ATP6V1H: variants seen among roughly 807,000 people sequenced by gnomAD.
ATP6V1H encodes the protein V-type proton ATPase subunit H.
A neutral mutation model predicts 71.7 loss-of-function variants in ATP6V1H; 39 were observed. The observed-to-expected ratio is 0.54, with a 90% CI of 0.42 to 0.71. The LOEUF (loss-of-function observed/expected upper bound fraction) is 0.71. Ranked by LOEUF, ATP6V1H falls within the 30% of genes least tolerant of loss-of-function variation. The probability of loss-of-function intolerance (pLI) is 0.00; values close to 1 mark genes in which losing one functional copy is unlikely to be tolerated. For missense variants in ATP6V1H, 509 were observed against 594.9 expected (o/e 0.86, Z 1.50); for synonymous variants, 192 against 199.3 (o/e 0.96, Z 0.31).
chr8:53,837,669 G>A (rs1191017292), intron 2 of ATP6V1H, among the ~76,000 whole-genome samples: 1 of 152,176 alleles, frequency 6.6e-6, no homozygotes, highest in Non-Finnish European at 1.5e-5. Flanking sequence ...GCGGGAGCTA[G>A]AGAGCTGTGA....
At chr8:53,782,200 A>G (rs1563464142) in intron 9 of ATP6V1H, among the ~76,000 whole-genome samples, 1 of 151,926 alleles carries the variant, frequency 6.6e-6, no homozygotes, top group Non-Finnish European at 1.5e-5. Context: ...ATTTGTTTGT[A>G]TCCTCTTTTA....
chr8:53,837,844 G>A (rs535927918), intron 2 of ATP6V1H, among the ~76,000 whole-genome samples: 13 of 152,270 alleles, frequency 8.5e-5, no homozygotes, highest in African/African-American at 1.2e-4. Flanking sequence ...GGCAGGAACC[G>A]CAGACACAGG....
At chr8:53,780,206 T>C (rs535477094) in intron 9 of ATP6V1H, among the ~76,000 whole-genome samples, 1 of 151,104 alleles carries the variant, frequency 6.6e-6, no homozygotes, top group African/African-American at 2.4e-5. Flanking sequence ...GCTTCAACTA[T>C]AACTTCAACA....
At chr8:53,788,817 A>G (rs1187902455) in intron 9 of ATP6V1H, among the ~76,000 whole-genome samples, 3 of 152,192 alleles carry the variant, frequency 2.0e-5, no homozygotes, top group Non-Finnish European at 4.4e-5. Context: ...AGATTTCCAT[A>G]AAGGTACATA....
chr8:53,843,023 G>A lies in ATP6V1H; in HGVS notation c.-36+11C>T, dbSNP rs1181618671. On this transcript the variant is annotated intron_variant, in intron 1 of 13. Coordinates refer to ENST00000359530, the MANE Select transcript of ATP6V1H (RefSeq NM_015941.4). ...GCAGCCTGAGACCAAACAACGCGAG[G>A]GCGGCCTTACCTCGCGAATCCTCGG... is the stretch of plus-strand genomic sequence containing the variant. 2 of 152,284 alleles carry A rather than the reference G, an allele frequency of 1.3e-5. No homozygotes were observed. Among genetic ancestry groups the A allele is most frequent in the Non-Finnish European group, 2.9e-5 (2 of 68,116 alleles). The allele number at this position is 152,284 out of a possible 1,614,324, so 9.4% of individuals were successfully genotyped here. A position where few individuals can be genotyped will look rare whatever the true frequency, so the allele number is the denominator to read the frequency against.
intron 9 of ATP6V1H, among the ~76,000 whole-genome samples, chr8:53,781,680 C>T (rs896285132): frequency 6.6e-6 from 1 of 151,974 alleles, no homozygotes; most frequent in Non-Finnish European, 1.5e-5. Context: ...TTAGGTCTAA[C>T]ATTTAAGTCT....
At chr8:53,718,181 A>G (rs1057052514) in intron 13 of ATP6V1H, among the ~76,000 whole-genome samples, 6 of 152,180 alleles carry the variant, frequency 3.9e-5, no homozygotes, top group African/African-American at 1.4e-4. Context: ...GCAGACAACA[A>G]GTGGTGAAGA....
chr8:53,769,311 A>G (rs1808570751), intron 11 of ATP6V1H, among the ~76,000 whole-genome samples: 1 of 152,120 alleles, frequency 6.6e-6, no homozygotes, highest in Non-Finnish European at 1.5e-5. Flanking sequence ...TTAAAAAGTA[A>G]AATGGCATGC....
At chr8:53,752,683 T>C (rs1210911859) in intron 12 of ATP6V1H, among the ~76,000 whole-genome samples, 1 of 152,204 alleles carries the variant, frequency 6.6e-6, no homozygotes, top group Non-Finnish European at 1.5e-5. Context: ...CCCAAGTAGC[T>C]GGGACTAGAG....
At chr8:53,820,410 C>T (rs1438133123) in intron 4 of ATP6V1H, among the ~76,000 whole-genome samples, 1 of 151,128 alleles carries the variant, frequency 6.6e-6, no homozygotes, top group Non-Finnish European at 1.5e-5. Flanking sequence ...AAAAAAAATC[C>T]AAGGGCATAC....
intron 12 of ATP6V1H, among the ~76,000 whole-genome samples, chr8:53,747,700 C>T (rs1187784816): frequency 6.6e-6 from 1 of 151,698 alleles, no homozygotes; most frequent in East Asian, 2.0e-4. Context: ...CCACCATGCC[C>T]GGCTAATTTT....
chr8:53,819,700 A>C (rs1215112639), intron 4 of ATP6V1H, among the ~76,000 whole-genome samples: 3 of 127,478 alleles, frequency 2.4e-5, no homozygotes, highest in Non-Finnish European at 1.6e-5. Context: ...GTATATATGT[A>C]TATACGTATA....
chr8:53,786,700 T>C (rs1444995402), intron 9 of ATP6V1H, among the ~76,000 whole-genome samples: 2 of 152,222 alleles, frequency 1.3e-5, no homozygotes, highest in African/African-American at 4.8e-5. Context: ...TCTCTAAAAG[T>C]AGATGGTATC....
At chr8:53,731,300 C>T (rs970922573) in intron 13 of ATP6V1H, among the ~76,000 whole-genome samples, 1 of 152,158 alleles carries the variant, frequency 6.6e-6, no homozygotes, top group Non-Finnish European at 1.5e-5. Flanking sequence ...AGGAGACCAC[C>T]TCTCTTATTG....
intron 2 of ATP6V1H, among the ~76,000 whole-genome samples, chr8:53,840,286 A>G (rs1038972977): frequency 2.0e-5 from 3 of 152,192 alleles, no homozygotes; most frequent in Non-Finnish European, 4.4e-5. Context: ...TCACGAGGTC[A>G]GGAGTTCGAG....
Position 53,833,052 on chromosome 8 carries a change from T to C in ATP6V1H, c.148A>G (p.Ile50Val). The change falls in exon 3 of 14, where the codon ATT (isoleucine) becomes GTT (valine). Residue 50 changes from isoleucine (I) to valine (V), a missense_variant. Ile to Val is a conservative substitution (Grantham distance 29). Around this residue, in one of 2 missense-constraint regions of ATP6V1H, gnomAD observed 297 missense variants for 303.3 expected, o/e 0.98. Transcript: ENST00000359530. ...QMISAEDCEF[I>V]QRFEMKRSPE... ...CTTCGTTTCATTTCAAACCTCTGAATAAACTCACAATCTTCAGCAGAAATC... is the reference window on the plus strand; with the variant it reads ...CTTCGTTTCATTTCAAACCTCTGAACAAACTCACAATCTTCAGCAGAAATC... 10 of 1,613,884 alleles carry C rather than the reference T, an allele frequency of 6.2e-6. No individual in the cohort carries two copies. Among genetic ancestry groups the C allele is most frequent in the Non-Finnish European group, 7.6e-6 (9 of 1,179,846 alleles).
rs1192260502 is a variant in ATP6V1H at position 53,819,576 on chromosome 8, ATATATATAT to A, written c.307-2055_307-2047del. ...TATATATATATATATATATATATAT[ATATATATAT>A]AAAATACACACACATACACACATTG... On this transcript the variant is annotated intron_variant, in intron 4 of 13. Transcript: ENST00000359530. Among the ~76,000 whole-genome samples the A allele has an allele frequency of 1.6e-4, 21 of 129,936 alleles. 1 individual carries two copies. Among genetic ancestry groups the A allele is most frequent in the African/African-American group, 5.0e-4 (18 of 35,688 alleles). 85.2% of individuals were successfully genotyped at this position (129,936 alleles called of 152,430 possible). A position where few individuals can be genotyped will look rare whatever the true frequency, so the allele number is the denominator to read the frequency against.
chr8:53,768,063 A>G (rs1210826798), intron 11 of ATP6V1H, among the ~76,000 whole-genome samples: 1 of 152,226 alleles, frequency 6.6e-6, no homozygotes, highest in Non-Finnish European at 1.5e-5. Context: ...TATCCAGAAT[A>G]TATGAAGAAC....
At chr8:53,817,321 T>G in intron 5 of ATP6V1H, 96 bp downstream of exon 5, 2 of 736,232 alleles carry the variant, frequency 2.7e-6, no homozygotes, top group East Asian at 3.0e-5. Context: ...GCGGACTGCT[T>G]GAGCCCTAAA....
Sources: allele counts gnomAD v4.1 joint callset (sites outside exome capture counted in the v4.1 genomes callset), GRCh38; gene constraint gnomAD v4.1.1; regional missense constraint gnomAD v4.1.1; transcripts MANE v1.5; gene names NCBI Gene and HGNC (gene_info 2026-07-23, HGNC 2026-07-21).